KIF6: variants seen among roughly 807,000 people sequenced by gnomAD.
KIF6 encodes the protein kinesin-like protein KIF6.
A neutral mutation model predicts 112.7 loss-of-function variants in KIF6; 106 were observed. The ratio of observed to expected loss-of-function variants is 0.94; its 90% CI spans 0.80 to 1.11. The LOEUF is 1.11. Ranked by LOEUF, KIF6 falls within the 50% of genes least tolerant of loss-of-function variation. The pLI is 0.00. For missense variants in KIF6, 929 were observed against 964.0 expected (o/e 0.96, Z 0.48); for synonymous variants, 339 against 339.9 (o/e 1.00, Z 0.03).
At chr6:39,646,347 C>A (rs1045202730) in intron 3 of KIF6, among the ~76,000 whole-genome samples, 1 of 151,904 alleles carries the variant, frequency 6.6e-6, no homozygotes, top group African/African-American at 2.4e-5. Flanking sequence ...GTAATAGGAT[C>A]ATGGATTTTA....
At chr6:39,428,568 G>T (rs188722021) in intron 14 of KIF6, among the ~76,000 whole-genome samples, 2 of 152,128 alleles carry the variant, frequency 1.3e-5, no homozygotes, top group East Asian at 3.9e-4. Context: ...TGTTTTATTC[G>T]TTTATTCATT....
chr6:39,666,852 T>C (rs1018936563), intron 3 of KIF6, among the ~76,000 whole-genome samples: 2 of 152,242 alleles, frequency 1.3e-5, no homozygotes, highest in Admixed American at 1.3e-4. Context: ...GATTGTGGCC[T>C]ACAAATTTTG....
intron 13 of KIF6, among the ~76,000 whole-genome samples, chr6:39,489,640 T>C (rs1173441138): frequency 6.6e-6 from 1 of 152,104 alleles, no homozygotes; most frequent in African/African-American, 2.4e-5. Context: ...ATGGAGTGTG[T>C]TTCCCCCAGT....
At chr6:39,586,515 C>T (rs1370127819) in intron 7 of KIF6, 111 bp from the exon 8 acceptor site, 1 of 803,360 alleles carries the variant, frequency 1.2e-6, no homozygotes, top group Admixed American at 2.2e-5. Context: ...TAACTAAATG[C>T]ACGGTGAAGC....
chr6:39,623,577 G>C (rs1369164693), intron 5 of KIF6, among the ~76,000 whole-genome samples: 1 of 152,078 alleles, frequency 6.6e-6, no homozygotes, highest in Non-Finnish European at 1.5e-5. Flanking sequence ...TATTCCTAGG[G>C]CTTGCTTCTT....
intron 19 of KIF6, among the ~76,000 whole-genome samples, chr6:39,355,845 G>C (rs1764633988): frequency 1.3e-5 from 2 of 151,754 alleles, no homozygotes; most frequent in South Asian, 4.2e-4. Context: ...ATAGTGCATG[G>C]AGATCCCATG....
At chr6:39,537,150 T>C (rs1272748877) in intron 13 of KIF6, among the ~76,000 whole-genome samples, 1 of 152,122 alleles carries the variant, frequency 6.6e-6, no homozygotes, top group Non-Finnish European at 1.5e-5. Context: ...CTTTGAAAAC[T>C]GGCACAAGAC....
intron 13 of KIF6, among the ~76,000 whole-genome samples, chr6:39,469,629 T>C (rs1430156214): frequency 6.6e-6 from 1 of 152,172 alleles, no homozygotes; most frequent in Non-Finnish European, 1.5e-5. Context: ...TAGGTAAACT[T>C]GTGTCATGGG....
intron 13 of KIF6, among the ~76,000 whole-genome samples, chr6:39,504,542 A>G (rs1776331618): frequency 6.6e-6 from 1 of 152,212 alleles, no homozygotes; most frequent in East Asian, 1.9e-4. Context: ...TCAAATAGGA[A>G]GAGAAGAAGT....
At chr6:39,421,742 C>T (rs1242394400) in intron 14 of KIF6, among the ~76,000 whole-genome samples, 4 of 152,168 alleles carry the variant, frequency 2.6e-5, no homozygotes, top group Admixed American at 2.6e-4. Context: ...TCAGGCTCAT[C>T]GTAGATTATG....
At chr6:39,688,603 C>T (rs944433929) in intron 3 of KIF6, among the ~76,000 whole-genome samples, 2 of 152,032 alleles carry the variant, frequency 1.3e-5, no homozygotes, top group Non-Finnish European at 2.9e-5. Flanking sequence ...ACCACAGGAA[C>T]GAGTAGTAGC....
chr6:39,605,699 C>T (rs1408325527), intron 6 of KIF6, among the ~76,000 whole-genome samples: 1 of 152,106 alleles, frequency 6.6e-6, no homozygotes, highest in African/African-American at 2.4e-5. Context: ...GACAATGTCA[C>T]TCAGAGTACA....
At chr6:39,466,487 G>T (rs1018356356) in intron 13 of KIF6, among the ~76,000 whole-genome samples, 2 of 152,144 alleles carry the variant, frequency 1.3e-5, no homozygotes, top group Non-Finnish European at 2.9e-5. Context: ...CTAAAGGCAC[G>T]CAGCAAATGG....
intron 14 of KIF6, among the ~76,000 whole-genome samples, chr6:39,425,731 A>G (rs1388119670): frequency 1.4e-5 from 2 of 146,256 alleles, no homozygotes; most frequent in Admixed American, 1.4e-4. Context: ...GGCTGAGAAG[A>G]TTCTAATCTA....
chr6:39,463,693 A>C (rs558957390), intron 13 of KIF6, among the ~76,000 whole-genome samples: 2 of 152,304 alleles, frequency 1.3e-5, no homozygotes, highest in African/African-American at 4.8e-5. Flanking sequence ...TTTAAATCTT[A>C]TTTAAACATT....
intron 7 of KIF6, among the ~76,000 whole-genome samples, chr6:39,594,161 G>A (rs1182666709): frequency 6.6e-6 from 1 of 151,594 alleles, no homozygotes; most frequent in Non-Finnish European, 1.5e-5. Flanking sequence ...AATGTGAGGA[G>A]AGGAATAGTT....
intron 15 of KIF6, among the ~76,000 whole-genome samples, chr6:39,395,695 T>C (rs568794261): frequency 4.3e-4 from 66 of 152,148 alleles, no homozygotes; most frequent in African/African-American, 1.5e-3. Context: ...CTCTTAGGAG[T>C]ACCTGGGGGC....
In KIF6 at chr6:39,458,563, GA is replaced by G. The variant is rs1773293791; in HGVS notation, c.1646-27403del. Among the ~76,000 whole-genome samples, 3 of 150,390 alleles carry G rather than the reference GA, an allele frequency of 2.0e-5. No individual in the cohort carries two copies. In the South Asian group the frequency reaches 6.4e-4, roughly 32 times the overall value. On this transcript the variant is annotated intron_variant, in intron 13 of 22. Transcript: ENST00000287152. The stretch of plus-strand genomic sequence containing the variant: ...AAGGAAATAAAAGGTATTCAATTAG[GA>G]AAAGAGGAAGTCAAATTGTCCCTGT...
intron 4 of KIF6, among the ~76,000 whole-genome samples, chr6:39,638,852 T>C (rs1784760418): frequency 2.0e-5 from 3 of 152,074 alleles, no homozygotes; most frequent in East Asian, 3.9e-4. Flanking sequence ...TGTGACTCAT[T>C]ACGGGGAATT....
Sources: gnomAD v4.1 joint callset for allele counts (sites outside exome capture counted in the v4.1 genomes callset) on GRCh38, gnomAD v4.1.1 for gene constraint, MANE v1.5 for transcripts, NCBI Gene and HGNC (gene_info 2026-07-23, HGNC 2026-07-21) for gene names.